The following OXCT1 variants were observed in gnomAD, a reference collection of about 807,000 sequenced individuals.
OXCT1 encodes 3-oxoacid CoA-transferase 1, also known as succinyl-CoA:3-ketoacid coenzyme A transferase 1, mitochondrial.
Under a neutral mutation model 69.6 loss-of-function variants are expected in OXCT1, and 27 were observed. The ratio of observed to expected loss-of-function variants is 0.39; its 90% CI spans 0.29 to 0.54. The LOEUF is 0.54. OXCT1 is among the 20% of genes least tolerant of loss of function. The pLI is 0.72. For synonymous variants in OXCT1, 202 were observed against 217.8 expected (o/e 0.93, Z 0.64); for missense variants, 437 against 650.2 (o/e 0.67, Z 3.57).
intron 11 of OXCT1, among the ~76,000 whole-genome samples, chr5:41,799,722 C>A (rs551769800): frequency 5.8e-4 from 89 of 152,252 alleles, no homozygotes; most frequent in African/African-American, 2.1e-3. Context: ...CTAAAGGGTA[C>A]AGTACAATTA....
chr5:41,806,711 G>A (rs539940777), intron 8 of OXCT1, among the ~76,000 whole-genome samples: 7 of 152,168 alleles, frequency 4.6e-5, no homozygotes, highest in African/African-American at 1.7e-4. Context: ...AGATGCTGGT[G>A]CCATGCTTCA....
chr5:41,764,965 T>G (rs1225238173), intron 13 of OXCT1, among the ~76,000 whole-genome samples: 1 of 152,206 alleles, frequency 6.6e-6, no homozygotes, highest in African/African-American at 2.4e-5. Flanking sequence ...TTTTAGTGTG[T>G]TCACTGTATT....
At chr5:41,821,074 C>T (rs1020682770) in intron 7 of OXCT1, among the ~76,000 whole-genome samples, 1 of 152,136 alleles carries the variant, frequency 6.6e-6, no homozygotes, top group Admixed American at 6.5e-5. Context: ...CATTTGTATA[C>T]CTAATAGCCA....
chr5:41,857,599 C>G (rs1412900266), intron 3 of OXCT1, among the ~76,000 whole-genome samples: 3 of 151,960 alleles, frequency 2.0e-5, no homozygotes, highest in Non-Finnish European at 2.9e-5. Flanking sequence ...GGCTCTCTCC[C>G]TGAGAAGTTA....
At chr5:41,776,866 A>G (rs950559180) in intron 13 of OXCT1, among the ~76,000 whole-genome samples, 6 of 151,710 alleles carry the variant, frequency 4.0e-5, no homozygotes, top group Non-Finnish European at 8.8e-5. Context: ...AGAGCTTTGG[A>G]AAAAAAAATC....
At chr5:41,788,165 A>T (rs1745740550) in intron 13 of OXCT1, among the ~76,000 whole-genome samples, 1 of 152,190 alleles carries the variant, frequency 6.6e-6, no homozygotes. Flanking sequence ...TACATTATAT[A>T]TAAAGTGATA....
intron 6 of OXCT1, among the ~76,000 whole-genome samples, chr5:41,840,786 A>G (rs986263217): frequency 2.0e-5 from 3 of 152,320 alleles, no homozygotes; most frequent in East Asian, 1.9e-4. Context: ...GCTACAACAA[A>G]AAAAGGAATA....
At chr5:41,847,461 G>A (rs1428578464) in intron 5 of OXCT1, among the ~76,000 whole-genome samples, 1 of 152,096 alleles carries the variant, frequency 6.6e-6, no homozygotes, top group Admixed American at 6.5e-5. Context: ...ACCAAAGCCA[G>A]GCAGAGACTC....
In OXCT1 at chr5:41,850,032, C is replaced by G; in HGVS notation, c.562G>C (p.Glu188Gln). 6.2e-7 allele frequency: 1 copy of G among 1,613,888 alleles called. No homozygotes were observed. Among genetic ancestry groups the G allele is most frequent in the Non-Finnish European group, 8.5e-7 (1 of 1,179,824 alleles). The change falls in exon 5 of 17, where the codon GAG becomes CAG. Residue 188 changes from glutamate (E) to glutamine (Q), a missense_variant and splice_region_variant. Glu to Gln is a conservative substitution (Grantham distance 29). Coordinates refer to ENST00000196371, the MANE Select transcript of OXCT1 (RefSeq NM_000436.4). ...GSVAIASKPR[E>Q]VREFNGQHFI... ...ATCTGGTTAAGAGTGTTTCTTACCT[C>G]TCTTGGCTTACTGGCAATGGCAACA... is the stretch of plus-strand genomic sequence containing the variant.
chr5:41,781,562 A>G (rs1438483011), intron 13 of OXCT1, among the ~76,000 whole-genome samples: 1 of 151,970 alleles, frequency 6.6e-6, no homozygotes, highest in Non-Finnish European at 1.5e-5. Context: ...TCACCTAGGT[A>G]TTAAGCCCAG....
intron 14 of OXCT1, among the ~76,000 whole-genome samples, chr5:41,754,551 C>T (rs971560415): frequency 4.0e-5 from 6 of 151,684 alleles, no homozygotes; most frequent in African/African-American, 1.5e-4. Context: ...TATGTGCCCA[C>T]AAAAATTAAA....
intron 13 of OXCT1, among the ~76,000 whole-genome samples, chr5:41,778,839 T>C (rs1200274758): frequency 6.6e-6 from 1 of 152,254 alleles, no homozygotes; most frequent in Non-Finnish European, 1.5e-5. Context: ...TTAGTTTTTA[T>C]TAGTTTCTAG....
At chr5:41,806,548 T>C (rs1030841879) in intron 8 of OXCT1, among the ~76,000 whole-genome samples, 2 of 152,040 alleles carry the variant, frequency 1.3e-5, no homozygotes, top group African/African-American at 4.8e-5. Context: ...GTGCCATCCC[T>C]TGGAAATGCA....
intron 16 of OXCT1, among the ~76,000 whole-genome samples, chr5:41,733,569 T>C (rs923986560): frequency 6.6e-6 from 1 of 152,202 alleles, no homozygotes; most frequent in Non-Finnish European, 1.5e-5. Flanking sequence ...ACTTTTTTAC[T>C]ACAAATCATT....
intron 7 of OXCT1, among the ~76,000 whole-genome samples, chr5:41,809,926 A>T (rs2112288763): frequency 6.6e-6 from 1 of 152,198 alleles, no homozygotes; most frequent in East Asian, 1.9e-4. Flanking sequence ...CATGTGCAGC[A>T]TTTGTCAAAA....
At chr5:41,859,907 T>TACAC (rs3050897) in intron 3 of OXCT1, among the ~76,000 whole-genome samples, 155 of 138,468 alleles carry the variant, frequency 1.1e-3, no homozygotes, top group African/African-American at 3.7e-3. Context: ...TATATATATA[T>TACAC]ACACACACAC....
chr5:41,789,181 T>C (rs1225788186), intron 13 of OXCT1, among the ~76,000 whole-genome samples: 1 of 152,218 alleles, frequency 6.6e-6, no homozygotes, highest in African/African-American at 2.4e-5. Context: ...GGCCAAACGG[T>C]AAATATTTTA....
intron 4 of OXCT1, among the ~76,000 whole-genome samples, chr5:41,852,168 T>C (rs911658086): frequency 6.6e-6 from 1 of 152,224 alleles, no homozygotes; most frequent in Admixed American, 6.5e-5. Context: ...TATTTTGTTA[T>C]AGCAGCCTGA....
chr5:41,818,392 G>A (rs1251039329), intron 7 of OXCT1, among the ~76,000 whole-genome samples: 1 of 152,110 alleles, frequency 6.6e-6, no homozygotes, highest in East Asian at 1.9e-4. Context: ...AGGGTACACA[G>A]GAAATAAAAG....
Sources: allele counts gnomAD v4.1 joint callset (sites outside exome capture counted in the v4.1 genomes callset), GRCh38; gene constraint gnomAD v4.1.1; transcripts MANE v1.5; gene names NCBI Gene and HGNC (gene_info 2026-07-23, HGNC 2026-07-21).